GABPA: variants seen among roughly 807,000 people sequenced by gnomAD.
The protein encoded by GABPA is GA binding protein transcription factor subunit alpha, also known as GA-binding protein alpha chain.
A neutral mutation model predicts 59.4 loss-of-function variants in GABPA; 4 were observed. The observed-to-expected ratio is 0.07, with a 90% CI of 0.03 to 0.15. GABPA has a LOEUF of 0.15. Among genes scored for constraint, GABPA ranks in the 10% least tolerant of loss-of-function variants. GABPA has a pLI of 1.00. For synonymous variants in GABPA, 164 were observed against 183.1 expected (o/e 0.90, Z 0.84); for missense variants, 251 against 543.8 (o/e 0.46, Z 5.36).
At chr21:25,763,319 T>C in intron 7 of GABPA, 1 of 310,544 alleles carries the variant, frequency 3.2e-6, no homozygotes, top group Non-Finnish European at 6.4e-6. Flanking sequence ...GCTTATGCCA[T>C]AAGCTTTTAG....
chr21:25,753,888 A>G (rs1254688304), intron 5 of GABPA, among the ~76,000 whole-genome samples: 2 of 152,160 alleles, frequency 1.3e-5, no homozygotes, highest in African/African-American at 2.4e-5. Flanking sequence ...GAAAGGCTGT[A>G]TTGTAGAACC....
chr21:25,734,979 C>G lies in GABPA; in HGVS notation c.-626C>G. 2 of 1,560,330 alleles carry G rather than the reference C, an allele frequency of 1.3e-6. No individual in the cohort carries two copies. The highest frequency in any genetic ancestry group is 1.7e-6 in the Non-Finnish European group (2 of 1,154,574). The stretch of plus-strand genomic sequence containing the variant: ...ATTATGGGCCGCCGTTTCAGTCGGT[C>G]GACGCTCACCGGACAGGAAGCGTCT... On this transcript the variant is annotated 5_prime_UTR_variant, in exon 1 of 10. Coordinates refer to ENST00000400075, the MANE Select transcript of GABPA (RefSeq NM_002040.4).
At chr21:25,762,488 C>T in intron 7 of GABPA, 123 bp downstream of exon 7, 1 of 625,608 alleles carries the variant, frequency 1.6e-6, no homozygotes, top group South Asian at 2.1e-5. Flanking sequence ...ATCTTTTGTT[C>T]TGTGGAATGA....
At chr21:25,764,882 G>A in intron 9 of GABPA, 95 bp downstream of exon 9, 2 of 823,140 alleles carry the variant, frequency 2.4e-6, no homozygotes, top group South Asian at 3.2e-5. Flanking sequence ...GTTATGTAAT[G>A]ATATTAAAAA....
chr21:25,746,969 A>C (rs1050980271), intron 3 of GABPA, among the ~76,000 whole-genome samples: 1 of 152,236 alleles, frequency 6.6e-6, no homozygotes, highest in Non-Finnish European at 1.5e-5. Context: ...CTATATGGGC[A>C]AGGTACGTTG....
At chr21:25,747,124 A>G (rs557982286) in intron 3 of GABPA, among the ~76,000 whole-genome samples, 2 of 152,358 alleles carry the variant, frequency 1.3e-5, no homozygotes, top group South Asian at 4.1e-4. Context: ...TGTGGCTACA[A>G]AAGGGTATAC....
intron 6 of GABPA, among the ~76,000 whole-genome samples, chr21:25,761,091 A>G (rs2035755624): frequency 6.6e-6 from 1 of 152,072 alleles, no homozygotes; most frequent in South Asian, 2.1e-4. Context: ...ATTTACTACA[A>G]ACATAAAGTG....
intron 5 of GABPA, among the ~76,000 whole-genome samples, chr21:25,755,834 C>T (rs1218341073): frequency 6.6e-6 from 1 of 152,214 alleles, no homozygotes; most frequent in Non-Finnish European, 1.5e-5. Flanking sequence ...CTTTAAGCCT[C>T]TTGCTACTCA....
At chr21:25,750,800 T>C (rs2035490234) in intron 4 of GABPA, among the ~76,000 whole-genome samples, 1 of 152,192 alleles carries the variant, frequency 6.6e-6, no homozygotes, top group Non-Finnish European at 1.5e-5. Flanking sequence ...TTGATGCAAG[T>C]ATGTTTAAGA....
At chr21:25,765,059 T>A (rs2035858033) in intron 9 of GABPA, among the ~76,000 whole-genome samples, 1 of 152,004 alleles carries the variant, frequency 6.6e-6, no homozygotes, top group Non-Finnish European at 1.5e-5. Context: ...TTTTTGAGGT[T>A]TTTATTATTT....
chr21:25,757,849 A>ATTTTTTTTTTT (rs60518912), intron 5 of GABPA, among the ~76,000 whole-genome samples, 161 bp from the exon 6 acceptor site: 2 of 108,704 alleles, frequency 1.8e-5, no homozygotes, highest in Admixed American at 9.9e-5. Context: ...TTACAGCATA[A>ATTTTTTTTTTT]TTTTTTTTTT....
intron 5 of GABPA, among the ~76,000 whole-genome samples, chr21:25,752,677 A>G (rs2035543444): frequency 6.6e-6 from 1 of 152,206 alleles, no homozygotes; most frequent in Admixed American, 6.6e-5. Context: ...TGTTATGTGC[A>G]AAGCTTAGAC....
At chr21:25,766,527 G>A (rs141130870) in intron 9 of GABPA, among the ~76,000 whole-genome samples, 1 of 152,022 alleles carries the variant, frequency 6.6e-6, no homozygotes, top group Non-Finnish European at 1.5e-5. Flanking sequence ...TTTTTAATGG[G>A]CAAGAGACTT....
At chr21:25,737,221 CG>C in intron 1 of GABPA, among the ~76,000 whole-genome samples, 1 of 152,288 alleles carries the variant, frequency 6.6e-6, no homozygotes, top group Non-Finnish European at 1.5e-5. Flanking sequence ...GCAGTTCTGG[CG>C]GGGGCAGCCC....
In GABPA at chr21:25,763,277, T is replaced by C. The variant is rs11909397; in HGVS notation, c.802+912T>C. 2,202 of 362,600 alleles carry C rather than the reference T, an allele frequency of 6.1e-3. 42 individuals carry two copies. Among genetic ancestry groups the C allele is most frequent in the African/African-American group, 0.042 (1,949 of 45,896 alleles). The allele number at this position is 362,600 out of a possible 1,614,324, so 22.5% of individuals were successfully genotyped here. Reference sequence around the variant, plus strand: ...CTGCTGAGCTCTTTTGGGGCATTTTTCCCCCCTTTTCAGCATGCATCTTTC... The same window carrying C: ...CTGCTGAGCTCTTTTGGGGCATTTTCCCCCCCTTTTCAGCATGCATCTTTC... On this transcript the variant is annotated intron_variant, in intron 7 of 9. Transcript: ENST00000400075.
At chr21:25,767,204 A>AT (rs2035911272) in intron 9 of GABPA, among the ~76,000 whole-genome samples, 1 of 152,086 alleles carries the variant, frequency 6.6e-6, no homozygotes, top group South Asian at 2.1e-4. Context: ...GGGAGGGGAC[A>AT]TAAAGGGGAT....
intron 9 of GABPA, among the ~76,000 whole-genome samples, chr21:25,768,161 T>C (rs1648306345): frequency 1.3e-5 from 2 of 152,144 alleles, no homozygotes; most frequent in South Asian, 4.1e-4. Flanking sequence ...CATTTGCATC[T>C]CTATAGAATG....
At chr21:25,745,837 C>T (rs2035348455) in intron 3 of GABPA, among the ~76,000 whole-genome samples, 1 of 151,880 alleles carries the variant, frequency 6.6e-6, no homozygotes, top group Non-Finnish European at 1.5e-5. Context: ...GGATTTTACC[C>T]ATGGTAGTAG....
In GABPA at chr21:25,735,342, T is replaced by C. The variant is rs1037111589; in HGVS notation, c.-263T>C. 1 of 236,708 alleles carries C rather than the reference T, an allele frequency of 4.2e-6. No individual in the cohort carries two copies. The highest frequency in any genetic ancestry group is 9.8e-5 in the East Asian group (1 of 10,208). 14.7% of individuals were successfully genotyped at this position (236,708 alleles called of 1,614,324 possible). A position where few individuals can be genotyped will look rare whatever the true frequency, so the allele number is the denominator to read the frequency against. On this transcript the variant is annotated 5_prime_UTR_variant, in exon 1 of 10. Transcript: ENST00000400075. The stretch of plus-strand genomic sequence containing the variant: ...CGTGAGCCTCCGTTGCCTTGGGCGG[T>C]CGTTTTGCGCACCCTGCCGGGAGTT...
Sources: allele counts gnomAD v4.1 joint callset (sites outside exome capture counted in the v4.1 genomes callset), GRCh38; gene constraint gnomAD v4.1.1; transcripts MANE v1.5; gene names NCBI Gene and HGNC (gene_info 2026-07-23, HGNC 2026-07-21).